The following UBR3 variants were observed in gnomAD, a reference collection of about 807,000 sequenced individuals.
UBR3 encodes ubiquitin protein ligase E3 component n-recognin 3.
UBR3 carries 85 observed loss-of-function variants against 243.2 expected under a neutral mutation model. The observed-to-expected ratio is 0.35, with a 90% CI of 0.29 to 0.42. The LOEUF is 0.42. Among genes scored for constraint, UBR3 ranks in the 10% least tolerant of loss-of-function variants. UBR3 has a pLI of 1.00. For missense variants in UBR3, 1,686 were observed against 2,300.8 expected (o/e 0.73, Z 5.47); for synonymous variants, 748 against 799.8 (o/e 0.94, Z 1.09).
At chr2:169,936,883 G>A (rs538011418) in intron 19 of UBR3, among the ~76,000 whole-genome samples, 36 of 152,100 alleles carry the variant, frequency 2.4e-4, no homozygotes, top group East Asian at 7.7e-4. Flanking sequence ...AGGATTCCAC[G>A]GTGTATATGT....
At chr2:170,041,312 A>T (rs1187272963) in intron 32 of UBR3, among the ~76,000 whole-genome samples, 1 of 152,240 alleles carries the variant, frequency 6.6e-6, no homozygotes, top group South Asian at 2.1e-4. Context: ...AGTGTTTTTT[A>T]AAATTCTTGT....
intron 32 of UBR3, 27 bp downstream of exon 32, chr2:170,041,012 G>A: frequency 4.5e-6 from 7 of 1,568,942 alleles, no homozygotes; most frequent in Non-Finnish European, 6.1e-6. Context: ...CAGATTCTTT[G>A]ATTATATACT....
intron 29 of UBR3, among the ~76,000 whole-genome samples, chr2:170,013,379 G>T (rs1479041647): frequency 6.6e-6 from 1 of 152,064 alleles, no homozygotes; most frequent in Admixed American, 6.6e-5. Flanking sequence ...GAGGCAGGAG[G>T]ATTGCTTGAG....
At chr2:169,920,576 CCTTTG>C (rs1214038168) in intron 11 of UBR3, among the ~76,000 whole-genome samples, 4 of 152,182 alleles carry the variant, frequency 2.6e-5, no homozygotes, top group Admixed American at 2.6e-4. Flanking sequence ...CTGTCGCCTG[CCTTTG>C]CTTTGCCCTG....
At chr2:169,989,250 C>T (rs1278529606) in intron 25 of UBR3, among the ~76,000 whole-genome samples, 1 of 152,180 alleles carries the variant, frequency 6.6e-6, no homozygotes, top group Non-Finnish European at 1.5e-5. Flanking sequence ...TATCATCAAA[C>T]ATCTAGTCAG....
Position 169,947,609 on chromosome 2 carries a change from T to C in UBR3, c.2978T>C (p.Met993Thr), listed in dbSNP as rs1042987637. The C allele has an allele frequency of 2.6e-6, 4 of 1,537,790 alleles. No individual in the cohort carries two copies. The highest frequency in any genetic ancestry group is 2.0e-5 in the Admixed American group (1 of 49,200). ...CCTGGCAGTAACTTAGTGTCAAACATGCGACACTTTATAAACTATGTTAGA... is the reference window on the plus strand; with the variant it reads ...CCTGGCAGTAACTTAGTGTCAAACACGCGACACTTTATAAACTATGTTAGA... ...WFPGSNLVSN[M>T]RHFINYVRVR... The change falls in exon 22 of 39, where the codon ATG (methionine) becomes ACG (threonine). Residue 993 changes from methionine to threonine, a missense_variant. By Grantham distance (81) the Met-to-Thr change is moderately conservative. Coordinates refer to ENST00000272793, the MANE Select transcript of UBR3 (RefSeq NM_172070.4).
chr2:169,876,141 T>A (rs1311894535), intron 3 of UBR3, among the ~76,000 whole-genome samples, 192 bp downstream of exon 3: 3 of 150,422 alleles, frequency 2.0e-5, no homozygotes, highest in African/African-American at 7.3e-5. Flanking sequence ...TGGAGTGCAG[T>A]GGCGCAATCT....
At chr2:169,937,101 A>C (rs2086367870) in intron 19 of UBR3, among the ~76,000 whole-genome samples, 1 of 152,176 alleles carries the variant, frequency 6.6e-6, no homozygotes, top group Admixed American at 6.5e-5. Context: ...CACCACACTG[A>C]CTTCCACAAT....
intron 1 of UBR3, among the ~76,000 whole-genome samples, chr2:169,860,430 A>G (rs2083047699): frequency 6.6e-6 from 1 of 152,190 alleles, no homozygotes. Context: ...CTGGTAATGC[A>G]GTGCCCTTCA....
In UBR3 at chr2:169,947,617, T is replaced by A; in HGVS notation, c.2986T>A (p.Phe996Ile). 6.5e-7 allele frequency: 1 copy of A among 1,540,620 alleles called. No individual in the cohort carries two copies. Among genetic ancestry groups the A allele is most frequent in the Middle Eastern group, 1.7e-4 (1 of 5,954 alleles). ...TAACTTAGTGTCAAACATGCGACAC[T>A]TTATAAACTATGTTAGAGTAAGAGT... ...GSNLVSNMRH[F>I]INYVRVRVPE... is the part of the protein sequence containing the mutation. The change falls in exon 22 of 39, where the codon TTT becomes ATT. Residue 996 changes from phenylalanine to isoleucine, a missense_variant. Coordinates refer to ENST00000272793, the MANE Select transcript of UBR3 (RefSeq NM_172070.4).
At chr2:169,962,906 G>T (rs114171029) in intron 24 of UBR3, among the ~76,000 whole-genome samples, 278 of 152,262 alleles carry the variant, frequency 1.8e-3, no homozygotes, top group African/African-American at 6.3e-3. Context: ...TTTTACTGAG[G>T]TGTAAAGAGG....
At chr2:169,893,773 G>A (rs570101652) in intron 6 of UBR3, among the ~76,000 whole-genome samples, 5 of 151,970 alleles carry the variant, frequency 3.3e-5, no homozygotes, top group Non-Finnish European at 7.4e-5. Context: ...TGTTATCTAG[G>A]TTGGTCTCAA....
At chr2:170,027,484 CATT>C (rs959745972) in intron 30 of UBR3, among the ~76,000 whole-genome samples, 4 of 151,626 alleles carry the variant, frequency 2.6e-5, no homozygotes, top group Non-Finnish European at 4.4e-5. Flanking sequence ...GTGAATGTAA[CATT>C]ATTTTCTGTG....
chr2:169,918,032 G>A (rs749109547), intron 11 of UBR3, among the ~76,000 whole-genome samples: 2 of 152,168 alleles, frequency 1.3e-5, no homozygotes, highest in Non-Finnish European at 2.9e-5. Context: ...GTGCTTAAAG[G>A]TTTTATTATT....
intron 5 of UBR3, among the ~76,000 whole-genome samples, chr2:169,888,423 G>A (rs2084198301): frequency 1.3e-5 from 2 of 152,120 alleles, no homozygotes; most frequent in African/African-American, 4.8e-5. Flanking sequence ...ACAGGCGTGA[G>A]CCACCGCGCC....
At chr2:170,050,614 A>G (rs1040146405) in intron 32 of UBR3, among the ~76,000 whole-genome samples, 12 of 152,132 alleles carry the variant, frequency 7.9e-5, no homozygotes, top group African/African-American at 2.9e-4. Flanking sequence ...TAGTTTTTAA[A>G]CACATTGACT....
chr2:169,951,128 ATTATC>A (rs2087009134), intron 23 of UBR3, among the ~76,000 whole-genome samples: 1 of 152,200 alleles, frequency 6.6e-6, no homozygotes, highest in African/African-American at 2.4e-5. Flanking sequence ...TCACATCAAT[ATTATC>A]TTAATTTAAG....
rs149274236 is a variant in UBR3 at position 170,075,911 on chromosome 2, C to CAGAA, written c.5199+2306_5199+2309dup. On this transcript the variant is annotated intron_variant, in intron 36 of 38. Transcript: ENST00000272793. ...TAAGGAAAACCAAAGCAAACTATGA[C>CAGAA]AGAAAAAAAAAAAAAAACAGGATTC... is the stretch of plus-strand genomic sequence containing the variant. 1.4e-3 allele frequency among the ~76,000 whole-genome samples: 130 copies of CAGAA among 93,402 alleles called. 1 individual carries two copies. The East Asian group carries it at 0.02, about 14-fold the overall frequency. The allele number at this position is 93,402 out of a possible 152,430, so 61.3% of individuals were successfully genotyped here. A position where few individuals can be genotyped will look rare whatever the true frequency, so the allele number is the denominator to read the frequency against.
At chr2:169,934,404 C>T (rs1011654484) in intron 19 of UBR3, among the ~76,000 whole-genome samples, 2 of 152,034 alleles carry the variant, frequency 1.3e-5, no homozygotes, top group East Asian at 3.9e-4. Flanking sequence ...ACTTTCAAAG[C>T]TTTGAAGGAA....
Sources: gnomAD v4.1 joint callset for allele counts (sites outside exome capture counted in the v4.1 genomes callset) on GRCh38, gnomAD v4.1.1 for gene constraint, MANE v1.5 for transcripts, NCBI Gene and HGNC (gene_info 2026-07-23, HGNC 2026-07-21) for gene names.